EPB41L5: variants seen among roughly 807,000 people sequenced by gnomAD.
EPB41L5 encodes band 4.1-like protein 5.
Under a neutral mutation model 106.6 loss-of-function variants are expected in EPB41L5, and 55 were observed. The observed-to-expected ratio is 0.52, with a 90% CI of 0.42 to 0.65. The LOEUF (loss-of-function observed/expected upper bound fraction) is 0.65. Among genes scored for constraint, EPB41L5 ranks in the 30% least tolerant of loss-of-function variants. The pLI is 0.00. For missense variants in EPB41L5, 871 were observed against 882.1 expected (o/e 0.99, Z 0.16); for synonymous variants, 297 against 306.7 (o/e 0.97, Z 0.33).
chr2:120,085,894 T>C (rs1683022305), intron 10 of EPB41L5, among the ~76,000 whole-genome samples: 1 of 152,182 alleles, frequency 6.6e-6, no homozygotes, highest in African/African-American at 2.4e-5. Context: ...TGAGAGTTAA[T>C]TAATACTTGT....
intron 11 of EPB41L5, among the ~76,000 whole-genome samples, chr2:120,087,985 C>G (rs1421154651): frequency 6.6e-6 from 1 of 152,122 alleles, no homozygotes; most frequent in Non-Finnish European, 1.5e-5. Context: ...TTATCTGATA[C>G]TTTAGAAAAG....
chr2:120,052,961 A>G (rs531623319), intron 3 of EPB41L5, among the ~76,000 whole-genome samples: 3 of 152,330 alleles, frequency 2.0e-5, no homozygotes, highest in African/African-American at 7.2e-5. Context: ...GGCTATGATT[A>G]TCACCAGTAG....
chr2:120,118,419 A>G (rs1685050619), intron 16 of EPB41L5, among the ~76,000 whole-genome samples: 1 of 152,122 alleles, frequency 6.6e-6, no homozygotes, highest in South Asian at 2.1e-4. Flanking sequence ...ACATAGGTAA[A>G]TGTGTGCCAT....
intron 2 of EPB41L5, among the ~76,000 whole-genome samples, chr2:120,025,765 T>C (rs1335799383): frequency 6.6e-6 from 1 of 152,224 alleles, no homozygotes; most frequent in Non-Finnish European, 1.5e-5. Context: ...AGCTGACCTA[T>C]AGTTGTAGAA....
At chr2:120,084,289 A>T (rs966566971) in intron 10 of EPB41L5, among the ~76,000 whole-genome samples, 13 of 152,194 alleles carry the variant, frequency 8.5e-5, no homozygotes, top group South Asian at 2.1e-4. Flanking sequence ...TGTTTAGTGC[A>T]TCCTTCAGGA....
At chr2:120,108,130 GCTT>G (rs1684554857) in intron 16 of EPB41L5, 1 of 152,034 alleles carries the variant, frequency 6.6e-6, no homozygotes, top group Admixed American at 6.6e-5. Flanking sequence ...AATTACCTAA[GCTT>G]CTGTGTTACA....
At chr2:120,034,321 G>A (rs1428444058) in intron 2 of EPB41L5, among the ~76,000 whole-genome samples, 1 of 152,176 alleles carries the variant, frequency 6.6e-6, no homozygotes, top group East Asian at 1.9e-4. Context: ...GCAGAATAAG[G>A]AGGAGAGTTA....
chr2:120,019,298 T>G, intron 2 of EPB41L5, 34 bp downstream of exon 2: 2 of 1,570,988 alleles, frequency 1.3e-6, no homozygotes, highest in Non-Finnish European at 1.7e-6. Flanking sequence ...AAATTCTGTT[T>G]GCGATTACTG....
Position 120,019,114 on chromosome 2 carries a change from G to A in EPB41L5, c.30G>A (p.Gly10=), listed in dbSNP as rs1677744434. 1.2e-6 allele frequency: 2 copies of A among 1,612,064 alleles called. No homozygotes were observed. Among genetic ancestry groups the A allele is most frequent in the African/African-American group, 2.7e-5 (2 of 74,700 alleles). Reference sequence around the variant, plus strand: ...TGAGTTTCTTCCGTAGAACACTAGGGCGTCGGTCTATGCGTAAACATGCAG... The same window carrying A: ...TGAGTTTCTTCCGTAGAACACTAGGACGTCGGTCTATGCGTAAACATGCAG... MLSFFRRTL[G]RRSMRKHAEK... is the part of the protein sequence containing the mutation. Residue 10 remains glycine (G), a synonymous_variant, in exon 2 of 25, where the codon GGG becomes GGA. Coordinates refer to ENST00000263713, the MANE Select transcript of EPB41L5 (RefSeq NM_020909.4).
chr2:120,049,162 C>T (rs1243537721), intron 3 of EPB41L5, among the ~76,000 whole-genome samples: 1 of 152,076 alleles, frequency 6.6e-6, no homozygotes, highest in Non-Finnish European at 1.5e-5. Context: ...GAGAGTTCTG[C>T]AGATATCTAT....
At chr2:120,042,899 TAG>T (rs961429070) in intron 3 of EPB41L5, among the ~76,000 whole-genome samples, 9 of 152,044 alleles carry the variant, frequency 5.9e-5, no homozygotes, top group African/African-American at 2.2e-4. Flanking sequence ...ACAAATACTT[TAG>T]GATAAAAGTA....
chr2:120,061,915 A>G (rs1268700096), intron 3 of EPB41L5, among the ~76,000 whole-genome samples: 2 of 152,154 alleles, frequency 1.3e-5, no homozygotes, highest in African/African-American at 2.4e-5. Flanking sequence ...GGGTAGACAG[A>G]TGGTCCAACA....
In EPB41L5 at chr2:120,019,264, A is replaced by G; in HGVS notation, c.180A>G (p.Pro60=). ...GTACTGATGTTAGTGTGGACTTGCC[A>G]GTAAGTAGGTCTTGCTGAGCTCCAA... The part of the protein sequence containing the change: ...LDGTDVSVDL[P]KKAKGQELFD... The change falls in exon 2 of 25, where the codon CCA becomes CCG. Residue 60 remains proline, a splice_region_variant and synonymous_variant. Coordinates refer to ENST00000263713, the MANE Select transcript of EPB41L5 (RefSeq NM_020909.4). 6.2e-7 allele frequency: 1 copy of G among 1,605,216 alleles called. No homozygotes were observed. The highest frequency in any genetic ancestry group is 8.5e-7 in the Non-Finnish European group (1 of 1,177,064).
chr2:120,069,636 TC>T (rs1423815996), intron 3 of EPB41L5, among the ~76,000 whole-genome samples: 1 of 152,126 alleles, frequency 6.6e-6, no homozygotes, highest in Non-Finnish European at 1.5e-5. Flanking sequence ...CACAGTGCAA[TC>T]AAATTAGAGC....
intron 3 of EPB41L5, among the ~76,000 whole-genome samples, chr2:120,042,994 AATGTGTGTGT>A (rs1255657958): frequency 2.8e-5 from 2 of 71,120 alleles, no homozygotes; most frequent in African/African-American, 5.8e-5. Context: ...TTTTTCTGGA[AATGTGTGTGT>A]GTGTGTGTGT....
At chr2:120,033,376 T>A (rs1678840052) in intron 2 of EPB41L5, among the ~76,000 whole-genome samples, 1 of 152,170 alleles carries the variant, frequency 6.6e-6, no homozygotes, top group Non-Finnish European at 1.5e-5. Context: ...GAGAAATTCT[T>A]TTTTGGGATA....
intron 12 of EPB41L5, among the ~76,000 whole-genome samples, chr2:120,091,282 A>G (rs1683394617): frequency 6.6e-6 from 1 of 152,242 alleles, no homozygotes; most frequent in Non-Finnish European, 1.5e-5. Context: ...GGGAGTTTCC[A>G]TAAAAGGACA....
chr2:120,024,350 T>A (rs1678160374), intron 2 of EPB41L5, among the ~76,000 whole-genome samples: 1 of 152,252 alleles, frequency 6.6e-6, no homozygotes, highest in Non-Finnish European at 1.5e-5. Context: ...TTAAGATACG[T>A]TCCATCAATA....
chr2:120,096,149 C>T (rs1166411317), intron 14 of EPB41L5, among the ~76,000 whole-genome samples: 1 of 151,984 alleles, frequency 6.6e-6, no homozygotes, highest in Non-Finnish European at 1.5e-5. Context: ...GCAGTTGTCT[C>T]ACTAGACTTT....
Sources: allele counts gnomAD v4.1 joint callset (sites outside exome capture counted in the v4.1 genomes callset), GRCh38; gene constraint gnomAD v4.1.1; transcripts MANE v1.5; gene names NCBI Gene and HGNC (gene_info 2026-07-23, HGNC 2026-07-21).